Variants in NALF1 observed in about 807,000 individuals in gnomAD.
The protein encoded by NALF1 is family with sequence similarity 155 member A.
A neutral mutation model predicts 48.4 loss-of-function variants in NALF1; 3 were observed. That is an observed-to-expected ratio of 0.06 (90% CI 0.03 to 0.16). NALF1 has a LOEUF of 0.16. Among genes scored for constraint, NALF1 ranks in the 10% least tolerant of loss-of-function variants. The pLI is 1.00. For synonymous variants in NALF1, 262 were observed against 245.7 expected, an observed-to-expected ratio of 1.07 and a Z score of -0.62; for missense variants, 526 against 571.5, an observed-to-expected ratio of 0.92 and a Z score of 0.81.
intron 1 of NALF1, among the ~76,000 whole-genome samples, chr13:107,304,036 T>A (rs1181676971): frequency 1.3e-5 from 2 of 152,196 alleles, no homozygotes; most frequent in African/African-American, 4.8e-5. Flanking sequence ...TCATATCATT[T>A]GAACCATATC....
intron 1 of NALF1, among the ~76,000 whole-genome samples, chr13:107,504,322 T>G (rs1304261473): frequency 6.6e-6 from 1 of 151,418 alleles, no homozygotes; most frequent in Non-Finnish European, 1.5e-5. Context: ...TGGAAAGATG[T>G]AGGTCCAAGG....
intron 1 of NALF1, among the ~76,000 whole-genome samples, chr13:107,278,905 C>G (rs1031661626): frequency 6.6e-6 from 1 of 152,082 alleles, no homozygotes; most frequent in African/African-American, 2.4e-5. Flanking sequence ...CCAAATTATC[C>G]TTTCCATATT....
At chr13:107,606,450 C>A (rs1479630280) in intron 1 of NALF1, among the ~76,000 whole-genome samples, 1 of 152,020 alleles carries the variant, frequency 6.6e-6, no homozygotes, top group Non-Finnish European at 1.5e-5. Context: ...ACTGCAACCT[C>A]TGCCTCCAGG....
Position 107,613,489 on chromosome 13 carries a change from A to G in NALF1, c.915+252193T>C, listed in dbSNP as rs374070871. On this transcript the variant is annotated intron_variant, in intron 1 of 2. Coordinates refer to ENST00000375915, the MANE Select transcript of NALF1 (RefSeq NM_001080396.3). The stretch of plus-strand genomic sequence containing the variant: ...CCAAAGTCAATGGAATATAACAACC[A>G]ATTTACTATCAAAATGGAGTGATTG... Among the ~76,000 whole-genome samples, 9 of 152,322 alleles carry G rather than the reference A, an allele frequency of 5.9e-5. No individual in the cohort carries two copies. The East Asian group carries it at 9.7e-4, about 16-fold the overall frequency.
Position 107,169,678 on chromosome 13 carries a change from G to A in NALF1, c.*819C>T, listed in dbSNP as rs548033633. 2 of 152,646 alleles carry A rather than the reference G, an allele frequency of 1.3e-5. No individual in the cohort carries two copies. The highest frequency in any genetic ancestry group is 4.8e-5 in the African/African-American group (2 of 41,550). The allele number at this position is 152,646 out of a possible 1,614,324, so 9.5% of individuals were successfully genotyped here. A position where few individuals can be genotyped will look rare whatever the true frequency, so the allele number is the denominator to read the frequency against. On this transcript the variant is annotated 3_prime_UTR_variant, in exon 3 of 3. Transcript: ENST00000375915. ...TTTATTTTGTTTTCAACATAAAAATGTGTTAACTGTCTGATTCCACCTATT... is the reference window on the plus strand; with the variant it reads ...TTTATTTTGTTTTCAACATAAAAATATGTTAACTGTCTGATTCCACCTATT...
chr13:107,691,429 G>A lies in NALF1; in HGVS notation c.915+174253C>T, dbSNP rs112378116. On this transcript the variant is annotated intron_variant, in intron 1 of 2. Coordinates refer to ENST00000375915, the MANE Select transcript of NALF1 (RefSeq NM_001080396.3). Reference sequence around the variant, plus strand: ...AGGACATACTTTCCTTCTGATGATCGATACGGACTGAATCAGATTGTAAGG... The same window carrying A: ...AGGACATACTTTCCTTCTGATGATCAATACGGACTGAATCAGATTGTAAGG... Among the ~76,000 whole-genome samples, 361 of 152,288 alleles carry A rather than the reference G, an allele frequency of 2.4e-3. 3 individuals carry two copies. The highest frequency in any genetic ancestry group is 2.9e-3 in the Non-Finnish European group (194 of 68,022).
chr13:107,783,792 C>A (rs1006264136), intron 1 of NALF1, among the ~76,000 whole-genome samples: 6 of 151,304 alleles, frequency 4.0e-5, no homozygotes, highest in Non-Finnish European at 8.8e-5. Context: ...ATCTGCTGAC[C>A]TTCCCTCCAC....
At chr13:107,228,625 ATTC>A (rs1226117297) in intron 1 of NALF1, among the ~76,000 whole-genome samples, 6 of 152,020 alleles carry the variant, frequency 3.9e-5, no homozygotes. Flanking sequence ...GGTGCCGGTA[ATTC>A]TTTTTTTTGG....
intron 1 of NALF1, among the ~76,000 whole-genome samples, chr13:107,612,089 G>A (rs1228573815): frequency 1.6e-5 from 1 of 62,076 alleles, no homozygotes. Flanking sequence ...GTGGGGGGGA[G>A]AGAGGGGAGG....
chr13:107,422,745 G>C (rs1216528409), intron 1 of NALF1, among the ~76,000 whole-genome samples: 1 of 152,132 alleles, frequency 6.6e-6, no homozygotes, highest in African/African-American at 2.4e-5. Context: ...TTTTGAGATA[G>C]AGAAATTATC....
At chr13:107,757,462 T>C (rs1215332001) in intron 1 of NALF1, among the ~76,000 whole-genome samples, 3 of 149,724 alleles carry the variant, frequency 2.0e-5, no homozygotes, top group Non-Finnish European at 4.4e-5. Context: ...CGAAAGTCTA[T>C]GTGAATGATA....
chr13:107,709,002 A>G (rs998155543), intron 1 of NALF1, among the ~76,000 whole-genome samples: 1 of 152,252 alleles, frequency 6.6e-6, no homozygotes, highest in Non-Finnish European at 1.5e-5. Context: ...AACATAAAAT[A>G]AGTGTCATAC....
chr13:107,657,474 A>G (rs1880613992), intron 1 of NALF1, among the ~76,000 whole-genome samples: 1 of 152,172 alleles, frequency 6.6e-6, no homozygotes, highest in Non-Finnish European at 1.5e-5. Context: ...GGATGCATTC[A>G]TACATGTGTG....
rs529997490 is a variant in NALF1, at chr13:107,769,188, G to A, written c.915+96494C>T. On this transcript the variant is annotated intron_variant, in intron 1 of 2. Coordinates refer to ENST00000375915, the MANE Select transcript of NALF1 (RefSeq NM_001080396.3). ...CATTTGACCCAGCCATCCCATTACT[G>A]GGTATATACTCAAAGGACTATAAAT... Among the ~76,000 whole-genome samples the A allele has an allele frequency of 2.0e-4, 30 of 148,472 alleles. No homozygotes were observed. The South Asian group carries it at 6.7e-3, about 33-fold the overall frequency.
At chr13:107,520,994 C>T (rs1161458466) in intron 1 of NALF1, among the ~76,000 whole-genome samples, 4 of 152,118 alleles carry the variant, frequency 2.6e-5, no homozygotes, top group African/African-American at 7.2e-5. Context: ...TTTTAACATA[C>T]ATTGAGGTAC....
intron 1 of NALF1, among the ~76,000 whole-genome samples, chr13:107,774,767 A>G (rs776424141): frequency 6.6e-6 from 1 of 152,144 alleles, no homozygotes; most frequent in Non-Finnish European, 1.5e-5. Flanking sequence ...GGAATGGATC[A>G]CTATTAAATT....
intron 2 of NALF1, among the ~76,000 whole-genome samples, chr13:107,173,627 C>T (rs1193054272): frequency 1.3e-5 from 2 of 152,182 alleles, no homozygotes; most frequent in Non-Finnish European, 2.9e-5. Flanking sequence ...AGTGCTGGAT[C>T]CCCTGTTCCC....
rs571282857 is a variant in NALF1, at chr13:107,336,820, C to T, written c.916-126065G>A. ...TGTCTCCAAGTCATTTTATTTCCCCCTTACTCTATTACACAGTTACAGCAG... is the reference window on the plus strand; with the variant it reads ...TGTCTCCAAGTCATTTTATTTCCCCTTTACTCTATTACACAGTTACAGCAG... On this transcript the variant is annotated intron_variant, in intron 1 of 2. Transcript: ENST00000375915. Among the ~76,000 whole-genome samples, 8 of 152,052 alleles carry T rather than the reference C, an allele frequency of 5.3e-5. No homozygotes were observed. In the East Asian group the frequency reaches 1.5e-3, roughly 29 times the overall value.
At chr13:107,838,008 C>T (rs746024217) in intron 1 of NALF1, among the ~76,000 whole-genome samples, 3 of 152,018 alleles carry the variant, frequency 2.0e-5, no homozygotes, top group Non-Finnish European at 4.4e-5. Context: ...ATTAGGTGCT[C>T]GAAATGTGAG....
Sources: allele counts gnomAD v4.1 joint callset (sites outside exome capture counted in the v4.1 genomes callset), GRCh38; gene constraint gnomAD v4.1.1; transcripts MANE v1.5; gene names NCBI Gene and HGNC (gene_info 2026-07-23, HGNC 2026-07-21).